The following SLC17A5 variants were observed in gnomAD, a reference collection of about 807,000 sequenced individuals.
SLC17A5 encodes the protein solute carrier family 17 member 5, also known as sialin.
In SLC17A5, 47 loss-of-function variants were observed where a neutral mutation model predicts 59.4. That is an observed-to-expected ratio of 0.79 (90% CI 0.63 to 1.01). SLC17A5 has a LOEUF of 1.01. Among genes scored for constraint, SLC17A5 ranks in the 50% least tolerant of loss-of-function variants. The pLI is 0.00. For missense variants in SLC17A5, 522 were observed against 595.5 expected (o/e 0.88, Z 1.28); for synonymous variants, 202 against 210.7 (o/e 0.96, Z 0.36).
chr6:73,604,297 C>G (rs1185739901), intron 9 of SLC17A5, among the ~76,000 whole-genome samples: 2 of 152,118 alleles, frequency 1.3e-5, no homozygotes. Context: ...TTCACTTGGC[C>G]AGGACAGGCC....
At chr6:73,618,653 A>G in intron 7 of SLC17A5, 1 of 343,764 alleles carries the variant, frequency 2.9e-6, no homozygotes, top group South Asian at 2.8e-5. Flanking sequence ...ATTTTAGATA[A>G]AAGATTTAAA....
chr6:73,596,756 T>C (rs1045294289), intron 10 of SLC17A5, among the ~76,000 whole-genome samples: 28 of 151,936 alleles, frequency 1.8e-4, no homozygotes, highest in African/African-American at 6.0e-4. Context: ...CTCGGGAGGC[T>C]GAGGCAGGAG....
At chr6:73,595,328 A>C in intron 10 of SLC17A5, 114 bp from the exon 11 acceptor site, 112 of 1,207,056 alleles carry the variant, frequency 9.3e-5, no homozygotes, top group Non-Finnish European at 1.2e-4. Context: ...TAAAAGCCTC[A>C]TCCTTGAAAC....
intron 10 of SLC17A5, among the ~76,000 whole-genome samples, chr6:73,595,623 TTC>T (rs1475400223): frequency 6.6e-6 from 1 of 152,066 alleles, no homozygotes; most frequent in African/African-American, 2.4e-5. Context: ...GGAGGTAATA[TTC>T]TGTTTCTTGA....
chr6:73,637,431 C>G (rs1306801171), intron 4 of SLC17A5, among the ~76,000 whole-genome samples: 2 of 152,206 alleles, frequency 1.3e-5, no homozygotes, highest in African/African-American at 4.8e-5. Flanking sequence ...AACCTATCAT[C>G]AGATTTCTCA....
chr6:73,641,585 T>C (rs1257922348), intron 3 of SLC17A5, 106 bp downstream of exon 3: 1 of 820,858 alleles, frequency 1.2e-6, no homozygotes, highest in African/African-American at 1.7e-5. Context: ...CCTGTTATCA[T>C]CCAACGTTAT....
At chr6:73,651,805 G>C (rs1389430181) in intron 1 of SLC17A5, among the ~76,000 whole-genome samples, 1 of 152,006 alleles carries the variant, frequency 6.6e-6, no homozygotes, top group Non-Finnish European at 1.5e-5. Context: ...CGCCCGCCTC[G>C]GCCTCCCAAA....
chr6:73,606,539 A>C (rs148336096), intron 9 of SLC17A5, among the ~76,000 whole-genome samples: 156 of 152,276 alleles, frequency 1.0e-3, no homozygotes, highest in African/African-American at 3.6e-3. Context: ...AGACTCATAA[A>C]ATTTCAGGGT....
Position 73,594,786 on chromosome 6 carries a change from C to T in SLC17A5, c.*291G>A, listed in dbSNP as rs1005979020. The stretch of plus-strand genomic sequence containing the variant: ...CAGGAGGTCTGTTTCAGCTCATTCC[C>T]TTTAGTATGGCCCTAAAAAATCAAC... On this transcript the variant is annotated 3_prime_UTR_variant, in exon 11 of 11. Coordinates refer to ENST00000355773, the MANE Select transcript of SLC17A5 (RefSeq NM_012434.5). 2.4e-6 allele frequency: 1 copy of T among 416,814 alleles called. No homozygotes were observed. The highest frequency in any genetic ancestry group is 4.4e-6 in the Non-Finnish European group (1 of 225,384). The allele number at this position is 416,814 out of a possible 1,614,324, so 25.8% of individuals were successfully genotyped here.
intron 9 of SLC17A5, among the ~76,000 whole-genome samples, chr6:73,603,547 AG>A (rs1341560502): frequency 6.6e-6 from 1 of 150,814 alleles, no homozygotes; most frequent in Non-Finnish European, 1.5e-5. Context: ...CAGCCTCCTG[AG>A]TAGCTGGGAT....
rs1293893168 is a variant in SLC17A5 at position 73,615,395 on chromosome 6, AG to A, written c.1030del (p.Leu344CysfsTer9). On this transcript the variant is annotated frameshift_variant, in exon 8 of 11. Transcript: ENST00000355773. LOFTEE classifies it high-confidence loss of function. ...PYLGSWLCMI[L>X]SGQAADNLRA... ...TAAATTGTCAGCAGCTTGACCAGAC[AG>A]GATCATACATAACCAAGAGCCTAAA... The A allele has an allele frequency of 6.2e-7, 1 of 1,614,106 alleles. No homozygotes were observed. The highest frequency in any genetic ancestry group is 2.2e-5 in the East Asian group (1 of 44,876).
intron 6 of SLC17A5, among the ~76,000 whole-genome samples, chr6:73,624,264 TGTG>T (rs1768294513): frequency 6.6e-6 from 1 of 151,144 alleles, no homozygotes; most frequent in African/African-American, 2.4e-5. Flanking sequence ...ATTAGCCGGG[TGTG>T]GTGGTGCGCA....
intron 9 of SLC17A5, among the ~76,000 whole-genome samples, chr6:73,603,648 G>A (rs1333024622): frequency 6.6e-6 from 1 of 151,798 alleles, no homozygotes; most frequent in African/African-American, 2.4e-5. Flanking sequence ...TCAAACTCCT[G>A]ACCTCAGGTG....
At chr6:73,633,830 A>G (rs549588157) in intron 6 of SLC17A5, among the ~76,000 whole-genome samples, 80 of 151,976 alleles carry the variant, frequency 5.3e-4, no homozygotes, top group African/African-American at 1.9e-3. Flanking sequence ...CAGTGAGCTG[A>G]GATTGTGCCA....
intron 8 of SLC17A5, among the ~76,000 whole-genome samples, chr6:73,612,698 T>C (rs1397200740): frequency 1.3e-5 from 2 of 152,132 alleles, no homozygotes; most frequent in African/African-American, 4.8e-5. Context: ...CCTTAGCCTC[T>C]GGAGTAGCTG....
At chr6:73,619,801 T>G (rs12214877) in intron 7 of SLC17A5, among the ~76,000 whole-genome samples, 33,284 of 151,984 alleles carry the variant, frequency 0.22, 3,840 homozygotes, top group Non-Finnish European at 0.25. Context: ...GCTATTGATA[T>G]TTTATTTCTT....
In SLC17A5 at chr6:73,641,810, T is replaced by TC; in HGVS notation, c.405dup (p.Lys136GlufsTer59). ...AGGATCCCAAATCCTAGCAGCATTT[T>TC]CCCCCCTATTTTGCTGGCAACATAT... On this transcript the variant is annotated frameshift_variant, in exon 3 of 11. Coordinates refer to ENST00000355773, the MANE Select transcript of SLC17A5 (RefSeq NM_012434.5). LOFTEE classifies it high-confidence loss of function. 6.2e-7 allele frequency: 1 copy of TC among 1,614,010 alleles called. No individual in the cohort carries two copies. The highest frequency in any genetic ancestry group is 1.3e-5 in the African/African-American group (1 of 74,986).
chr6:73,653,593 G>A (rs1236884711), intron 1 of SLC17A5, 200 bp downstream of exon 1: 2 of 676,024 alleles, frequency 3.0e-6, no homozygotes, highest in Non-Finnish European at 3.6e-6. Context: ...GGCCCCCGGG[G>A]TTCCCGAGGG....
chr6:73,625,067 G>A (rs1209896576), intron 6 of SLC17A5, among the ~76,000 whole-genome samples: 8 of 152,162 alleles, frequency 5.3e-5, no homozygotes, highest in Admixed American at 5.2e-4. Flanking sequence ...CACAGTTGCT[G>A]TTATTTTAAA....
Sources: allele counts gnomAD v4.1 joint callset (sites outside exome capture counted in the v4.1 genomes callset), GRCh38; gene constraint gnomAD v4.1.1; transcripts MANE v1.5; gene names NCBI Gene and HGNC (gene_info 2026-07-23, HGNC 2026-07-21).